The following SLC25A12 variants were observed in gnomAD, a reference collection of about 807,000 sequenced individuals.
SLC25A12 encodes the protein electrogenic aspartate/glutamate antiporter SLC25A12, mitochondrial.
SLC25A12 carries 32 observed loss-of-function variants against 83.3 expected under a neutral mutation model. That is an observed-to-expected ratio of 0.38 (90% confidence interval 0.29 to 0.52). The LOEUF (loss-of-function observed/expected upper bound fraction) is 0.52, where lower values mean the gene tolerates loss of function less well. Ranked by LOEUF, SLC25A12 falls within the 20% of genes least tolerant of loss-of-function variation. The pLI, the probability that SLC25A12 is intolerant of heterozygous loss-of-function variation, is 0.84. For missense variants in SLC25A12, 611 were observed against 835.6 expected, an observed-to-expected ratio of 0.73 and a Z score of 3.31; for synonymous variants, 267 against 291.1, an observed-to-expected ratio of 0.92 and a Z score of 0.84.
chr2:171,786,192 G>A (rs1380716699), intron 17 of SLC25A12, among the ~76,000 whole-genome samples: 3 of 151,142 alleles, frequency 2.0e-5, no homozygotes, highest in Admixed American at 6.6e-5. Context: ...TGGCTAACAC[G>A]GTGAGACCCC....
intron 3 of SLC25A12, among the ~76,000 whole-genome samples, chr2:171,867,317 C>T (rs1038621863): frequency 6.6e-6 from 1 of 150,562 alleles, no homozygotes; most frequent in African/African-American, 2.4e-5. Context: ...GCCGAGATCA[C>T]ACCACTGCAC....
chr2:171,888,356 C>G (rs550899206), intron 2 of SLC25A12, among the ~76,000 whole-genome samples: 56 of 151,860 alleles, frequency 3.7e-4, no homozygotes, highest in South Asian at 1.0e-3. Context: ...ACCTCAGCCT[C>G]GCAAAGCACT....
chr2:171,839,261 G>T (rs1684621203), intron 5 of SLC25A12, among the ~76,000 whole-genome samples: 1 of 152,166 alleles, frequency 6.6e-6, no homozygotes, highest in African/African-American at 2.4e-5. Context: ...AGGGAAAAGA[G>T]TTAGAACAAA....
At chr2:171,869,317 A>G (rs1329946651) in intron 2 of SLC25A12, among the ~76,000 whole-genome samples, 1 of 152,262 alleles carries the variant, frequency 6.6e-6, no homozygotes, top group African/African-American at 2.4e-5. Context: ...ATACGTTAAA[A>G]TGGTGAATTT....
intron 9 of SLC25A12, 69 bp downstream of exon 9, chr2:171,826,729 G>T (rs1684306795): frequency 1.1e-6 from 1 of 878,422 alleles, no homozygotes. Flanking sequence ...TTCAGAAGCT[G>T]TCAGCTCCTA....
chr2:171,831,221 T>C (rs57775770), intron 8 of SLC25A12, among the ~76,000 whole-genome samples: 31,903 of 152,146 alleles, frequency 0.21, 4,146 homozygotes, highest in East Asian at 0.58. Flanking sequence ...CTGGGACTCC[T>C]TGGGAAAAAC....
chr2:171,800,507 C>A lies in SLC25A12; in HGVS notation c.1306-6740G>T, dbSNP rs185193826. On this transcript the variant is annotated intron_variant, in intron 13 of 17. Coordinates refer to ENST00000422440, the MANE Select transcript of SLC25A12 (RefSeq NM_003705.5). ...AAACATTAGTGAAGATGTGGAACAACTGGAATACTTGTACACTGCTTAGGA... is the reference window on the plus strand; with the variant it reads ...AAACATTAGTGAAGATGTGGAACAAATGGAATACTTGTACACTGCTTAGGA... Among the ~76,000 whole-genome samples, 162 of 152,274 alleles carry A rather than the reference C, an allele frequency of 1.1e-3. 1 individual carries two copies. Among genetic ancestry groups the A allele is most frequent in the African/African-American group, 3.7e-3 (153 of 41,554 alleles).
chr2:171,867,135 C>A (rs1685345317), intron 3 of SLC25A12, among the ~76,000 whole-genome samples: 3 of 150,946 alleles, frequency 2.0e-5, no homozygotes, highest in African/African-American at 7.3e-5. Flanking sequence ...CAGAGACGCT[C>A]CTCACTTTCC....
intron 13 of SLC25A12, among the ~76,000 whole-genome samples, chr2:171,794,471 T>TA (rs1683555711): frequency 6.6e-6 from 1 of 152,242 alleles, no homozygotes. Flanking sequence ...AACATCTAGT[T>TA]ACCATGAGTA....
chr2:171,861,967 AT>A (rs1321857187), intron 3 of SLC25A12, among the ~76,000 whole-genome samples: 1 of 152,178 alleles, frequency 6.6e-6, no homozygotes, highest in Non-Finnish European at 1.5e-5. Flanking sequence ...TGAAAAATAT[AT>A]TTTCTGAATT....
chr2:171,836,552 G>A (rs1020267915), intron 6 of SLC25A12, among the ~76,000 whole-genome samples: 1 of 152,200 alleles, frequency 6.6e-6, no homozygotes, highest in Admixed American at 6.5e-5. Context: ...GAGCCACAGA[G>A]GCTGATGGCC....
At chr2:171,811,060 C>T (rs1280110142) in intron 11 of SLC25A12, among the ~76,000 whole-genome samples, 1 of 152,176 alleles carries the variant, frequency 6.6e-6, no homozygotes, top group African/African-American at 2.4e-5. Context: ...CTTTCTAAAG[C>T]ACACAGCTTA....
intron 2 of SLC25A12, among the ~76,000 whole-genome samples, chr2:171,877,101 G>C (rs947263435): frequency 1.3e-5 from 2 of 152,156 alleles, no homozygotes; most frequent in African/African-American, 4.8e-5. Context: ...ACATTCTAAA[G>C]CTTAAGAAAT....
chr2:171,868,498 G>A (rs1432317703), intron 3 of SLC25A12, among the ~76,000 whole-genome samples, 183 bp downstream of exon 3: 1 of 151,876 alleles, frequency 6.6e-6, no homozygotes, highest in African/African-American at 2.4e-5. Flanking sequence ...ATTTTTAGTA[G>A]AGACAGGGTT....
intron 3 of SLC25A12, among the ~76,000 whole-genome samples, chr2:171,866,965 C>T (rs1254642935): frequency 1.4e-5 from 2 of 145,406 alleles, no homozygotes; most frequent in East Asian, 2.1e-4. Flanking sequence ...ATGGGGCGGC[C>T]AGGCAGAGAC....
At position 171,813,395 on chromosome 2, in the gene SLC25A12, C is replaced by G; in HGVS notation, c.1115G>C (p.Ser372Thr). ...CAAGACTTTCTTAAAACAGTCAAAG[C>G]TGTTTTTGTACATTAGCTCCCCAAC... ...SVVGELMYKN[S>T]FDCFKKVLRY... Residue 372 changes from serine (S) to threonine (T), a missense_variant, in exon 11 of 18, where the codon AGC becomes ACC. Transcript: ENST00000422440. 6.2e-7 allele frequency: 1 copy of G among 1,614,102 alleles called. No homozygotes were observed. The highest frequency in any genetic ancestry group is 8.5e-7 in the Non-Finnish European group (1 of 1,179,972).
chr2:171,819,382 A>G (rs1193755629), intron 9 of SLC25A12, among the ~76,000 whole-genome samples: 2 of 42,346 alleles, frequency 4.7e-5, no homozygotes, highest in Non-Finnish European at 1.3e-4. Context: ...TATATTATAT[A>G]TAATATATAT....
At chr2:171,794,271 A>G (rs1289915871) in intron 13 of SLC25A12, among the ~76,000 whole-genome samples, 1 of 152,216 alleles carries the variant, frequency 6.6e-6, no homozygotes, top group Non-Finnish European at 1.5e-5. Flanking sequence ...AATTAAAACT[A>G]CTTTGGTGCC....
chr2:171,815,914 C>T (rs1684041590), intron 9 of SLC25A12, among the ~76,000 whole-genome samples: 1 of 151,760 alleles, frequency 6.6e-6, no homozygotes, highest in Non-Finnish European at 1.5e-5. Flanking sequence ...TTGCCAACGT[C>T]TTAATTATAT....
Sources: gnomAD v4.1 joint callset for allele counts (sites outside exome capture counted in the v4.1 genomes callset) on GRCh38, gnomAD v4.1.1 for gene constraint, MANE v1.5 for transcripts, NCBI Gene and HGNC (gene_info 2026-07-23, HGNC 2026-07-21) for gene names.